The following PSMG2 variants were observed in gnomAD, a reference collection of about 807,000 sequenced individuals.
PSMG2 encodes the protein proteasome assembly chaperone 2.
Under a neutral mutation model 31.5 loss-of-function variants are expected in PSMG2, and 21 were observed. The ratio of observed to expected loss-of-function variants is 0.67; its 90% CI spans 0.47 to 0.96. PSMG2 has a LOEUF of 0.96. Ranked by LOEUF, PSMG2 falls within the 40% of genes least tolerant of loss-of-function variation. PSMG2 has a pLI of 0.00. For synonymous variants in PSMG2, 120 were observed against 110.4 expected (o/e 1.09, Z -0.54); for missense variants, 318 against 321.2 (o/e 0.99, Z 0.08).
intron 1 of PSMG2, among the ~76,000 whole-genome samples, chr18:12,683,683 G>A (rs1352423353): frequency 4.0e-5 from 6 of 151,538 alleles, no homozygotes; most frequent in African/African-American, 1.2e-4. Flanking sequence ...CCCAGGAGAC[G>A]GAGGTTGCAG....
intron 3 of PSMG2, among the ~76,000 whole-genome samples, chr18:12,718,012 C>CTTTTTTTTTTT (rs71174131): frequency 7.3e-6 from 1 of 136,470 alleles, no homozygotes; most frequent in East Asian, 2.1e-4. Flanking sequence ...TTTCTTTTTT[C>CTTTTTTTTTTT]TTTTTTTTTT....
chr18:12,710,910 G>C (rs966594946), intron 2 of PSMG2, among the ~76,000 whole-genome samples: 2 of 152,030 alleles, frequency 1.3e-5, no homozygotes, highest in Admixed American at 1.3e-4. Context: ...GACCAGCCTG[G>C]GTAACATGAT....
chr18:12,713,113 A>G (rs77487924), intron 3 of PSMG2, among the ~76,000 whole-genome samples: 1,636 of 152,330 alleles, frequency 0.011, 19 homozygotes, highest in Middle Eastern at 0.02. Context: ...GTCATAAAAT[A>G]TTCTGAATCC....
chr18:12,673,438 C>T (rs1237794359), intron 1 of PSMG2: 13 of 1,597,846 alleles, frequency 8.1e-6, no homozygotes, highest in Non-Finnish European at 1.1e-5. Context: ...AGTAAATACT[C>T]GGACACGAAC....
At chr18:12,705,175 C>A (rs1304130466) in intron 1 of PSMG2, among the ~76,000 whole-genome samples, 3 of 152,008 alleles carry the variant, frequency 2.0e-5, no homozygotes, top group African/African-American at 7.2e-5. Context: ...AGTGATTCTC[C>A]TGCCTCTGCC....
chr18:12,725,577 C>G lies in PSMG2; in HGVS notation c.*46C>G, dbSNP rs367766905. On this transcript the variant is annotated 3_prime_UTR_variant, in exon 7 of 7. Transcript: ENST00000317615. ...TTATACCCAAAACACTTACTACCAA[C>G]ACAGCTGTTAAACATTCTATACAAA... 23 of 1,404,950 alleles carry G rather than the reference C, an allele frequency of 1.6e-5. No individual in the cohort carries two copies. The African/African-American group carries it at 3.2e-4, about 19-fold the overall frequency. The allele number at this position is 1,404,950 out of a possible 1,614,324, so 87.0% of individuals were successfully genotyped here.
rs548968202 is a variant in PSMG2, at chr18:12,719,454, C to T, written c.407+819C>T. Among the ~76,000 whole-genome samples the T allele has an allele frequency of 2.0e-5, 3 of 152,016 alleles. No individual in the cohort carries two copies. The East Asian group carries it at 5.8e-4, about 29-fold the overall frequency. On this transcript the variant is annotated intron_variant, in intron 4 of 6. Coordinates refer to ENST00000317615, the MANE Select transcript of PSMG2 (RefSeq NM_020232.5). Reference sequence around the variant, plus strand: ...CCAGGCTGGAGTGCAGTGGCATGGTCTCAGCTCACTGCAACCTCCACCTCC... The same window carrying T: ...CCAGGCTGGAGTGCAGTGGCATGGTTTCAGCTCACTGCAACCTCCACCTCC...
chr18:12,723,215 T>C (rs1416626015), intron 5 of PSMG2, among the ~76,000 whole-genome samples: 3 of 152,190 alleles, frequency 2.0e-5, no homozygotes, highest in African/African-American at 7.2e-5. Flanking sequence ...GTCTCGTGCT[T>C]TCAAGTTTTG....
chr18:12,723,343 GT>G, intron 5 of PSMG2, among the ~76,000 whole-genome samples: 1 of 152,070 alleles, frequency 6.6e-6, no homozygotes, highest in Non-Finnish European at 1.5e-5. Context: ...AGCTTGAGGC[GT>G]TTATAGTATG....
chr18:12,678,492 C>G, intron 1 of PSMG2: 1 of 1,221,062 alleles, frequency 8.2e-7, no homozygotes, highest in Non-Finnish European at 1.1e-6. Flanking sequence ...ATTAAAAAGG[C>G]AGCATCTTAC....
At chr18:12,677,005 A>C (rs997832369) in intron 1 of PSMG2, among the ~76,000 whole-genome samples, 1 of 152,206 alleles carries the variant, frequency 6.6e-6, no homozygotes, top group Non-Finnish European at 1.5e-5. Context: ...TATGTGTTAC[A>C]AACAACTTTT....
At chr18:12,679,228 G>T (rs1183943207) in intron 1 of PSMG2, 2 of 152,152 alleles carry the variant, frequency 1.3e-5, no homozygotes, top group African/African-American at 4.8e-5. Flanking sequence ...GAAGAAAGAA[G>T]TGAGACAGCC....
At chr18:12,664,089 G>A (rs1001987263) in intron 1 of PSMG2, among the ~76,000 whole-genome samples, 1 of 152,144 alleles carries the variant, frequency 6.6e-6, no homozygotes, top group African/African-American at 2.4e-5. Flanking sequence ...GCTTGAACCC[G>A]GAGGGGCGGT....
intron 1 of PSMG2, among the ~76,000 whole-genome samples, chr18:12,688,874 G>T (rs184096164): frequency 6.6e-6 from 1 of 152,138 alleles, no homozygotes; most frequent in African/African-American, 2.4e-5. Context: ...CAGCACTTTG[G>T]GAGGCCGAGG....
chr18:12,689,786 T>C (rs9949591), intron 1 of PSMG2, among the ~76,000 whole-genome samples: 4,449 of 152,024 alleles, frequency 0.029, 230 homozygotes, highest in African/African-American at 0.1. Context: ...ATATGTATAT[T>C]TTTTGTCGTT....
intron 1 of PSMG2, among the ~76,000 whole-genome samples, chr18:12,679,550 G>A (rs193213587): frequency 1.3e-4 from 20 of 151,950 alleles, no homozygotes; most frequent in Admixed American, 3.3e-4. Flanking sequence ...CTAATTTTTC[G>A]TGGCCATGTG....
chr18:12,703,472 G>C (rs533753883), intron 1 of PSMG2, among the ~76,000 whole-genome samples: 1 of 152,164 alleles, frequency 6.6e-6, no homozygotes, highest in Admixed American at 6.5e-5. Context: ...TTTTATCCTA[G>C]AAAGTCTTTC....
chr18:12,678,143 A>C (rs767757265), intron 1 of PSMG2: 2 of 1,613,396 alleles, frequency 1.2e-6, no homozygotes, highest in African/African-American at 2.7e-5. Context: ...CCTCAGCTGC[A>C]TTTCAATTTC....
At chr18:12,697,325 A>G (rs780527774) in intron 1 of PSMG2, 1 of 1,613,944 alleles carries the variant, frequency 6.2e-7, no homozygotes. Context: ...GTCTCACCAA[A>G]TATGTCTGTT....
Sources: gnomAD v4.1 joint callset for allele counts (sites outside exome capture counted in the v4.1 genomes callset) on GRCh38, gnomAD v4.1.1 for gene constraint, MANE v1.5 for transcripts, NCBI Gene and HGNC (gene_info 2026-07-23, HGNC 2026-07-21) for gene names.